Variants in LNX2 observed in about 807,000 individuals in gnomAD.
LNX2 encodes the protein ligand of Numb protein X 2.
In LNX2, 35 loss-of-function variants were observed where a neutral mutation model predicts 66.2. The observed-to-expected ratio is 0.53, with a 90% CI of 0.40 to 0.70. The LOEUF (loss-of-function observed/expected upper bound fraction) is 0.70. LNX2 is among the 30% of genes least tolerant of loss of function. LNX2 has a pLI of 0.00. For synonymous variants in LNX2, 337 were observed against 315.6 expected (o/e 1.07, Z -0.72); for missense variants, 791 against 850.8 (o/e 0.93, Z 0.87).
chr13:27,564,693 T>C (rs1218901539), intron 4 of LNX2, among the ~76,000 whole-genome samples: 3 of 152,172 alleles, frequency 2.0e-5, no homozygotes, highest in Non-Finnish European at 4.4e-5. Flanking sequence ...TGCTTATGTA[T>C]ATGGTCTGCA....
intron 1 of LNX2, among the ~76,000 whole-genome samples, chr13:27,607,890 C>A (rs1283886035): frequency 6.6e-6 from 1 of 152,200 alleles, no homozygotes; most frequent in Non-Finnish European, 1.5e-5. Context: ...TGGAGATCAG[C>A]TGTAGATTCT....
intron 1 of LNX2, among the ~76,000 whole-genome samples, chr13:27,611,450 G>C (rs1156739282): frequency 6.6e-6 from 1 of 152,160 alleles, no homozygotes; most frequent in South Asian, 2.1e-4. Flanking sequence ...GGGGAGAGGA[G>C]GAAATGGGAA....
intron 1 of LNX2, among the ~76,000 whole-genome samples, chr13:27,609,189 G>A (rs1394584642): frequency 6.9e-6 from 1 of 144,318 alleles, no homozygotes; most frequent in Non-Finnish European, 1.5e-5. Flanking sequence ...GTCTCGCTCT[G>A]TTGCCCAGGC....
chr13:27,591,026 A>T (rs1955541615), intron 1 of LNX2, among the ~76,000 whole-genome samples: 1 of 152,150 alleles, frequency 6.6e-6, no homozygotes, highest in African/African-American at 2.4e-5. Flanking sequence ...ACACACATAT[A>T]CATATATACC....
At position 27,575,233 on chromosome 13, in the gene LNX2, A is replaced by C. The variant is rs538143462; in HGVS notation, c.408-5957T>G. Among the ~76,000 whole-genome samples the C allele has an allele frequency of 1.4e-4, 21 of 152,346 alleles. No homozygotes were observed. The South Asian group carries it at 4.3e-3, about 32-fold the overall frequency. On this transcript the variant is annotated intron_variant, in intron 2 of 9. Transcript: ENST00000316334. Reference sequence around the variant, plus strand: ...AATAATTCTGTGTTGATGGGCACATAATGTGTGAAGATACAACTTGTATAA... The same window carrying C: ...AATAATTCTGTGTTGATGGGCACATCATGTGTGAAGATACAACTTGTATAA...
At chr13:27,576,545 C>T (rs1235815680) in intron 2 of LNX2, among the ~76,000 whole-genome samples, 2 of 146,742 alleles carry the variant, frequency 1.4e-5, no homozygotes, top group African/African-American at 2.6e-5. Flanking sequence ...GGCAAGACCC[C>T]GTCTCTACTA....
chr13:27,606,685 G>A (rs538253101), intron 1 of LNX2, among the ~76,000 whole-genome samples: 27 of 152,130 alleles, frequency 1.8e-4, no homozygotes, highest in Non-Finnish European at 3.8e-4. Flanking sequence ...AAAACTAACA[G>A]CAGTCAACTC....
intron 2 of LNX2, among the ~76,000 whole-genome samples, chr13:27,576,278 A>G (rs1955339460): frequency 6.6e-6 from 1 of 152,244 alleles, no homozygotes; most frequent in Non-Finnish European, 1.5e-5. Context: ...TAGACATGGA[A>G]CCAGAAAATA....
intron 8 of LNX2, among the ~76,000 whole-genome samples, chr13:27,550,724 T>TACAC (rs367620870): frequency 6.6e-6 from 1 of 150,680 alleles, no homozygotes; most frequent in Non-Finnish European, 1.5e-5. Context: ...CACACACACA[T>TACAC]ACACACACAC....
At chr13:27,557,524 CTTA>C (rs541295822) in intron 6 of LNX2, among the ~76,000 whole-genome samples, 16 of 152,026 alleles carry the variant, frequency 1.1e-4, no homozygotes, top group Non-Finnish European at 1.8e-4. Context: ...GGTTTTAACA[CTTA>C]TTAACTGTTA....
At chr13:27,616,473 C>T (rs1258957169) in intron 1 of LNX2, among the ~76,000 whole-genome samples, 2 of 152,140 alleles carry the variant, frequency 1.3e-5, no homozygotes, top group Non-Finnish European at 2.9e-5. Context: ...CACTCATGGC[C>T]TGAAACTGTC....
intron 2 of LNX2, among the ~76,000 whole-genome samples, chr13:27,577,271 T>G (rs1026118158): frequency 6.6e-6 from 1 of 152,210 alleles, no homozygotes; most frequent in Non-Finnish European, 1.5e-5. Context: ...TACACATGAT[T>G]TGCAAATACA....
chr13:27,572,228 C>A (rs536916918), intron 2 of LNX2, among the ~76,000 whole-genome samples: 2 of 152,262 alleles, frequency 1.3e-5, no homozygotes, highest in East Asian at 3.9e-4. Flanking sequence ...AAATAAAAAC[C>A]TATCCATCTT....
chr13:27,600,084 AAT>A (rs1955640706), intron 1 of LNX2, among the ~76,000 whole-genome samples: 2 of 152,150 alleles, frequency 1.3e-5, no homozygotes, highest in Admixed American at 1.3e-4. Context: ...TCATTCAACA[AAT>A]ATGTGTTGGT....
chr13:27,562,482 G>C lies in LNX2; in HGVS notation c.1155C>G (p.Asp385Glu). 6.2e-7 allele frequency: 1 copy of C among 1,614,120 alleles called. No individual in the cohort carries two copies. Among genetic ancestry groups the C allele is most frequent in the South Asian group, 1.1e-5 (1 of 91,088 alleles). The part of the protein sequence containing the change: ...AAQDGRLSSN[D>E]RVLAINGHDL... ...CGTGCCCATTGATGGCCAGCACTCG[G>C]TCATTGCTGCTTAGCCTGCCGTCCT... Residue 385 changes from aspartate (D) to glutamate (E), a missense_variant, in exon 5 of 10, where the codon GAC becomes GAG. By Grantham distance (45) the Asp-to-Glu change is conservative. Coordinates refer to ENST00000316334, the MANE Select transcript of LNX2 (RefSeq NM_153371.4).
rs1955429365 is a variant in LNX2 at position 27,583,218 on chromosome 13, GT to G, written c.-100-1416del. ...TGTGTGTGTGTGTGTGTGTGTGTGT[GT>G]GTGTGTGTGTGTGTGTGTGTGTGTG... On this transcript the variant is annotated intron_variant, in intron 1 of 9. Coordinates refer to ENST00000316334, the MANE Select transcript of LNX2 (RefSeq NM_153371.4). 5.4e-4 allele frequency among the ~76,000 whole-genome samples: 10 copies of G among 18,488 alleles called. 2 individuals are homozygous for G. The highest frequency in any genetic ancestry group is 2.8e-3 in the African/African-American group (4 of 1,446). The allele number at this position is 18,488 out of a possible 152,430, so 12.1% of individuals were successfully genotyped here. A position where few individuals can be genotyped will look rare whatever the true frequency, so the allele number is the denominator to read the frequency against.
At chr13:27,594,203 A>G (rs2138433652) in intron 1 of LNX2, among the ~76,000 whole-genome samples, 1 of 152,264 alleles carries the variant, frequency 6.6e-6, no homozygotes, top group South Asian at 2.1e-4. Context: ...CATCTTTTTT[A>G]GTCCAGCTAA....
chr13:27,586,401 C>T (rs1253286122), intron 1 of LNX2, among the ~76,000 whole-genome samples: 3 of 152,154 alleles, frequency 2.0e-5, no homozygotes, highest in African/African-American at 7.2e-5. Context: ...GCCCCAATCC[C>T]ACCCCTCTTC....
intron 1 of LNX2, among the ~76,000 whole-genome samples, chr13:27,589,858 A>G (rs764170113): frequency 3.8e-4 from 58 of 152,250 alleles, no homozygotes; most frequent in Non-Finnish European, 3.2e-4. Context: ...CGCTGTGGAA[A>G]GAACTTTGCT....
Sources: gnomAD v4.1 joint callset for allele counts (sites outside exome capture counted in the v4.1 genomes callset) on GRCh38, gnomAD v4.1.1 for gene constraint, MANE v1.5 for transcripts, NCBI Gene and HGNC (gene_info 2026-07-23, HGNC 2026-07-21) for gene names.